Variants in FBXL17 observed in about 807,000 individuals in gnomAD.
FBXL17 encodes the protein F-box/LRR-repeat protein 17.
In FBXL17, 22 loss-of-function variants were observed where a neutral mutation model predicts 66.2. The ratio of observed to expected loss-of-function variants is 0.33; its 90% CI spans 0.24 to 0.47. The LOEUF (loss-of-function observed/expected upper bound fraction) is 0.47. Among genes scored for constraint, FBXL17 ranks in the 20% least tolerant of loss-of-function variants. The pLI is 1.00. For missense variants in FBXL17, 878 were observed against 948.2 expected (o/e 0.93, Z 0.97); for synonymous variants, 474 against 400.5 (o/e 1.18, Z -2.19).
At chr5:108,119,858 A>G (rs1204366221) in intron 6 of FBXL17, among the ~76,000 whole-genome samples, 7 of 152,218 alleles carry the variant, frequency 4.6e-5, no homozygotes, top group Admixed American at 4.6e-4. Context: ...CTGAATTTCC[A>G]TGTTACAGAA....
intron 7 of FBXL17, among the ~76,000 whole-genome samples, chr5:108,009,300 T>TATATATACATAC (rs1554056634): frequency 1.6e-5 from 1 of 63,302 alleles, no homozygotes; most frequent in Non-Finnish European, 3.0e-5. Context: ...TATATATATA[T>TATATATACATAC]ACATATATAC....
At chr5:108,092,019 T>G (rs1436952392) in intron 6 of FBXL17, among the ~76,000 whole-genome samples, 3 of 152,226 alleles carry the variant, frequency 2.0e-5, no homozygotes, top group African/African-American at 7.2e-5. Context: ...CTTTCCTCTG[T>G]TTATTTTCTG....
Position 108,092,182 on chromosome 5 carries a change from C to A in FBXL17, c.1746-71181G>T, listed in dbSNP as rs542089712. 4.6e-5 allele frequency among the ~76,000 whole-genome samples: 7 copies of A among 152,314 alleles called. No individual in the cohort carries two copies. In the South Asian group the frequency reaches 1.5e-3, roughly 32 times the overall value. Reference sequence around the variant, plus strand: ...CTCTTCAAAGCCTCCTCCTAGTATGCTGGACCAGTGGAGATCTGGACTTTT... The same window carrying A: ...CTCTTCAAAGCCTCCTCCTAGTATGATGGACCAGTGGAGATCTGGACTTTT... On this transcript the variant is annotated intron_variant, in intron 6 of 8. Transcript: ENST00000542267.
At chr5:107,968,064 G>A (rs1191194577) in intron 7 of FBXL17, among the ~76,000 whole-genome samples, 1 of 152,064 alleles carries the variant, frequency 6.6e-6, no homozygotes, top group Non-Finnish European at 1.5e-5. Flanking sequence ...TTTTGATTAT[G>A]TGTTAAGTTT....
intron 7 of FBXL17, among the ~76,000 whole-genome samples, chr5:107,948,927 T>C (rs903835016): frequency 6.6e-6 from 1 of 152,216 alleles, no homozygotes. Context: ...TGTGTAACAC[T>C]AAGCTAGGCA....
chr5:108,232,356 G>A (rs1293239053), intron 4 of FBXL17, among the ~76,000 whole-genome samples: 1 of 152,114 alleles, frequency 6.6e-6, no homozygotes, highest in East Asian at 1.9e-4. Context: ...TGAATATTAT[G>A]TATGATCTCA....
intron 8 of FBXL17, among the ~76,000 whole-genome samples, chr5:107,871,420 T>C (rs1432139602): frequency 6.6e-6 from 1 of 152,202 alleles, no homozygotes; most frequent in Admixed American, 6.5e-5. Context: ...AAGCCTCTAA[T>C]TAAAGATTAG....
At chr5:107,993,081 G>C (rs1464281416) in intron 7 of FBXL17, among the ~76,000 whole-genome samples, 2 of 151,928 alleles carry the variant, frequency 1.3e-5, no homozygotes, top group African/African-American at 4.9e-5. Context: ...ATTTTTAGTA[G>C]AGACGGGGTT....
chr5:108,126,244 G>C (rs1043170019), intron 6 of FBXL17, among the ~76,000 whole-genome samples: 1 of 151,996 alleles, frequency 6.6e-6, no homozygotes, highest in African/African-American at 2.4e-5. Flanking sequence ...TTGGGCACTA[G>C]GCTAGAACCT....
chr5:107,865,119 A>G (rs1432754416), intron 8 of FBXL17, among the ~76,000 whole-genome samples: 1 of 152,242 alleles, frequency 6.6e-6, no homozygotes, highest in African/African-American at 2.4e-5. Flanking sequence ...AAAAGAATGG[A>G]GCAGAGAAAA....
intron 6 of FBXL17, among the ~76,000 whole-genome samples, chr5:108,132,340 A>T (rs1174557653): frequency 6.6e-6 from 1 of 152,224 alleles, no homozygotes; most frequent in African/African-American, 2.4e-5. Context: ...AATCAAAATT[A>T]TCTCTTACAG....
At chr5:108,253,967 C>T (rs1445356681) in intron 4 of FBXL17, among the ~76,000 whole-genome samples, 2 of 151,882 alleles carry the variant, frequency 1.3e-5, no homozygotes, top group Non-Finnish European at 2.9e-5. Context: ...GAGCAAGACC[C>T]TGTCTCAAAA....
chr5:107,923,882 A>G (rs1017920498), intron 7 of FBXL17, among the ~76,000 whole-genome samples: 12 of 151,992 alleles, frequency 7.9e-5, no homozygotes, highest in Non-Finnish European at 1.8e-4. Flanking sequence ...ATGCTAATGG[A>G]GGGTGTCAGA....
rs192603410 is a variant in FBXL17, at chr5:107,881,572, C to A, written c.1823-393G>T. 1.9e-3 allele frequency among the ~76,000 whole-genome samples: 288 copies of A among 152,208 alleles called. 1 individual carries two copies. The highest frequency in any genetic ancestry group is 1.9e-3 in the Non-Finnish European group (132 of 68,002). On this transcript the variant is annotated intron_variant, in intron 7 of 8. Coordinates refer to ENST00000542267, the MANE Select transcript of FBXL17 (RefSeq NM_001163315.3). The stretch of plus-strand genomic sequence containing the variant: ...TAATTTTTTTTTAAAGAAGAACCCA[C>A]GTAAACACCATTTTGAGGAGTGTTA...
At chr5:108,074,128 G>T (rs945132601) in intron 6 of FBXL17, among the ~76,000 whole-genome samples, 2 of 152,118 alleles carry the variant, frequency 1.3e-5, no homozygotes, top group Non-Finnish European at 2.9e-5. Flanking sequence ...CCCACTGGGG[G>T]ACTGTGATGC....
intron 6 of FBXL17, among the ~76,000 whole-genome samples, chr5:108,172,221 C>T (rs1752632723): frequency 6.6e-6 from 1 of 152,178 alleles, no homozygotes; most frequent in Admixed American, 6.5e-5. Context: ...CCAGTCTGAG[C>T]TTATTCACAT....
intron 8 of FBXL17, chr5:107,878,833 G>A: frequency 2.0e-6 from 2 of 985,500 alleles, no homozygotes; most frequent in African/African-American, 1.7e-5. Flanking sequence ...GTCTGAGGAA[G>A]CCAGACAGCA....
chr5:107,957,353 G>A (rs1751702976), intron 7 of FBXL17, among the ~76,000 whole-genome samples: 2 of 151,864 alleles, frequency 1.3e-5, no homozygotes, highest in South Asian at 4.2e-4. Context: ...TTCTAACACT[G>A]GAATGGAGAA....
At chr5:108,320,983 C>A (rs995500074) in intron 4 of FBXL17, among the ~76,000 whole-genome samples, 1 of 151,702 alleles carries the variant, frequency 6.6e-6, no homozygotes, top group African/African-American at 2.4e-5. Context: ...AAATAATTAC[C>A]AACTAGTACA....
Sources: gnomAD v4.1 joint callset for allele counts (sites outside exome capture counted in the v4.1 genomes callset) on GRCh38, gnomAD v4.1.1 for gene constraint, MANE v1.5 for transcripts, NCBI Gene and HGNC (gene_info 2026-07-23, HGNC 2026-07-21) for gene names.